The following NRG3 variants were observed in gnomAD, a reference collection of about 807,000 sequenced individuals.
NRG3 encodes the protein pro-neuregulin-3, membrane-bound isoform.
A neutral mutation model predicts 66.9 loss-of-function variants in NRG3; 31 were observed. That is an observed-to-expected ratio of 0.46 (90% confidence interval 0.35 to 0.63). NRG3 has a LOEUF of 0.63. Among genes scored for constraint, NRG3 ranks in the 20% least tolerant of loss-of-function variants. The probability of loss-of-function intolerance (pLI) is 0.00; values close to 1 mark genes in which losing one functional copy is unlikely to be tolerated. For synonymous variants in NRG3, 393 were observed against 359.4 expected, an observed-to-expected ratio of 1.09 and a Z score of -1.06; for missense variants, 910 against 878.9, an observed-to-expected ratio of 1.04 and a Z score of -0.45.
At chr10:82,617,955 A>C (rs1404809315) in intron 2 of NRG3, among the ~76,000 whole-genome samples, 1 of 152,164 alleles carries the variant, frequency 6.6e-6, no homozygotes, top group Admixed American at 6.5e-5. Flanking sequence ...GTAGCTTCTC[A>C]TGAACTCTGG....
intron 2 of NRG3, among the ~76,000 whole-genome samples, chr10:82,543,401 T>A (rs551106876): frequency 6.6e-6 from 1 of 152,294 alleles, no homozygotes; most frequent in East Asian, 1.9e-4. Context: ...TTTTGTACTA[T>A]TTTTGTAAAT....
chr10:82,199,326 G>A (rs1007765579), intron 1 of NRG3, among the ~76,000 whole-genome samples: 5 of 151,920 alleles, frequency 3.3e-5, no homozygotes, highest in Non-Finnish European at 7.4e-5. Context: ...AAAATATGAA[G>A]CAAATTTGTA....
chr10:82,167,068 G>A (rs2072134726), intron 1 of NRG3, among the ~76,000 whole-genome samples: 1 of 151,774 alleles, frequency 6.6e-6, no homozygotes, highest in African/African-American at 2.4e-5. Flanking sequence ...TGATTATGAT[G>A]CACCTTTATA....
intron 3 of NRG3, among the ~76,000 whole-genome samples, chr10:82,818,776 C>T (rs1380831318): frequency 1.3e-5 from 2 of 152,134 alleles, no homozygotes; most frequent in South Asian, 2.1e-4. Flanking sequence ...CACTGTCTCC[C>T]AACGCATCAC....
intron 2 of NRG3, among the ~76,000 whole-genome samples, chr10:82,487,151 G>T (rs1301193441): frequency 6.7e-6 from 1 of 148,968 alleles, no homozygotes; most frequent in Non-Finnish European, 1.5e-5. Flanking sequence ...CATCATCAAT[G>T]TGCTAAATCC....
At chr10:82,232,776 C>T (rs981113272) in intron 1 of NRG3, 18 of 717,116 alleles carry the variant, frequency 2.5e-5, no homozygotes, top group Non-Finnish European at 4.4e-5. Flanking sequence ...TACATGGCAA[C>T]ATGGGGAAGA....
chr10:81,888,258 C>A lies in NRG3; in HGVS notation c.823+12095C>A, dbSNP rs114944495. On this transcript the variant is annotated intron_variant, in intron 1 of 8. Transcript: ENST00000372141. ...TGACGTAAGCCTTTCTGAGTGGACA[C>A]CTTGTATTTATATTCAATAAAACCC... Among the ~76,000 whole-genome samples, 789 of 152,176 alleles carry A rather than the reference C, an allele frequency of 5.2e-3. 6 individuals are homozygous for A. Among genetic ancestry groups the A allele is most frequent in the African/African-American group, 0.018 (753 of 41,536 alleles).
rs144108334 is a variant in NRG3, at chr10:82,777,013, A to G, written c.1027+38363A>G. ...TCATGTTTCTTGTGTCCCTGTGTTG[A>G]TATCTGTGCATCTAGAGGAACAGTA... On this transcript the variant is annotated intron_variant, in intron 3 of 8. Transcript: ENST00000372141. 1.7e-3 allele frequency among the ~76,000 whole-genome samples: 262 copies of G among 152,064 alleles called. 7 individuals are homozygous for G. Among genetic ancestry groups the G allele is most frequent in the Middle Eastern group, 0.01 (3 of 292 alleles).
chr10:82,618,873 GT>G (rs2133587383), intron 2 of NRG3, among the ~76,000 whole-genome samples: 1 of 151,812 alleles, frequency 6.6e-6, no homozygotes, highest in South Asian at 2.1e-4. Flanking sequence ...CGTGTTTAAA[GT>G]TTGTAGCAGT....
intron 2 of NRG3, among the ~76,000 whole-genome samples, chr10:82,599,764 A>T (rs1434807468): frequency 6.6e-6 from 1 of 152,170 alleles, no homozygotes; most frequent in Admixed American, 6.5e-5. Context: ...TTGCAGTGAG[A>T]TGAGATCATG....
At chr10:81,964,395 C>CAAAA (rs58231167) in intron 1 of NRG3, among the ~76,000 whole-genome samples, 34 of 65,764 alleles carry the variant, frequency 5.2e-4, no homozygotes, top group South Asian at 1.1e-3. Flanking sequence ...GACTCTGTCT[C>CAAAA]AAAAAAAAAA....
rs144277501 is a variant in NRG3 at position 82,924,005 on chromosome 10, C to T, written c.1055-27464C>T. On this transcript the variant is annotated intron_variant, in intron 4 of 8. Coordinates refer to ENST00000372141, the MANE Select transcript of NRG3 (RefSeq NM_001010848.4). ...CCCAGCTACTCAGGAGGCTGAGACA[C>T]GAGAATTGCTTGAAGCCAGGAGGCA... Among the ~76,000 whole-genome samples the T allele has an allele frequency of 3.9e-3, 571 of 146,396 alleles. 13 individuals are homozygous for T. Among genetic ancestry groups the T allele is most frequent in the Admixed American group, 0.033 (460 of 14,118 alleles).
At chr10:82,133,517 T>C (rs998661683) in intron 1 of NRG3, among the ~76,000 whole-genome samples, 5 of 152,196 alleles carry the variant, frequency 3.3e-5, no homozygotes, top group African/African-American at 1.2e-4. Flanking sequence ...TGGTATTTGG[T>C]ATTCTGCTTC....
chr10:82,484,564 A>G (rs181446231), intron 2 of NRG3, among the ~76,000 whole-genome samples: 46 of 152,342 alleles, frequency 3.0e-4, no homozygotes, highest in Admixed American at 1.3e-3. Context: ...TGTCCCTTAC[A>G]TAAGCTATCT....
chr10:81,957,036 C>A (rs1344249763), intron 1 of NRG3, among the ~76,000 whole-genome samples: 9 of 152,180 alleles, frequency 5.9e-5, no homozygotes, highest in Non-Finnish European at 1.2e-4. Flanking sequence ...TCTCTTTGAA[C>A]CCATAAGATT....
At chr10:82,875,480 C>T (rs1008093785) in intron 4 of NRG3, among the ~76,000 whole-genome samples, 14 of 152,140 alleles carry the variant, frequency 9.2e-5, no homozygotes, top group African/African-American at 3.4e-4. Context: ...ATTTTAACCT[C>T]CCCTGTAGCT....
chr10:82,815,750 G>A (rs12777894), intron 3 of NRG3, among the ~76,000 whole-genome samples: 17,436 of 152,058 alleles, frequency 0.11, 1,098 homozygotes, highest in South Asian at 0.21. Flanking sequence ...GGCTTATTCC[G>A]CCCACTTCAC....
At chr10:82,953,097 G>T (rs899416344) in intron 5 of NRG3, among the ~76,000 whole-genome samples, 3 of 151,700 alleles carry the variant, frequency 2.0e-5, no homozygotes, top group Non-Finnish European at 4.4e-5. Flanking sequence ...TAATGCCAGG[G>T]CCCCATCCTT....
intron 1 of NRG3, among the ~76,000 whole-genome samples, chr10:82,149,255 A>G (rs967040404): frequency 6.6e-6 from 1 of 152,128 alleles, no homozygotes; most frequent in Non-Finnish European, 1.5e-5. Context: ...TTTCTATTAC[A>G]TGAATCCAGT....
Sources: allele counts gnomAD v4.1 joint callset (sites outside exome capture counted in the v4.1 genomes callset), GRCh38; gene constraint gnomAD v4.1.1; transcripts MANE v1.5; gene names NCBI Gene and HGNC (gene_info 2026-07-23, HGNC 2026-07-21).